The following OR2G6 variants were observed in gnomAD, a reference collection of about 807,000 sequenced individuals.
The protein encoded by OR2G6 is olfactory receptor 2G6.
For synonymous variants in OR2G6, 183 were observed against 155.2 expected (o/e 1.18, Z -1.33); for missense variants, 457 against 391.3 (o/e 1.17, Z -1.42).
In OR2G6 at chr1:248,523,550, GTC is replaced by G. The variant is rs1325028062; in HGVS notation, c.*956_*957del. 1 of 152,072 alleles carries G rather than the reference GTC, an allele frequency of 6.6e-6. No homozygotes were observed. The highest frequency in any genetic ancestry group is 2.4e-5 in the African/African-American group (1 of 41,408). The allele number at this position is 152,072 out of a possible 1,614,324, so 9.4% of individuals were successfully genotyped here. A position where few individuals can be genotyped will look rare whatever the true frequency, so the allele number is the denominator to read the frequency against. ...ATTTGAAATATGAATCCCACACACT[GTC>G]TCACGTTAACGATCATAGTTATATG... On this transcript the variant is annotated 3_prime_UTR_variant, in exon 2 of 2. Coordinates refer to ENST00000641804, the MANE Select transcript of OR2G6 (RefSeq NM_001013355.2).
rs995321987 is a variant in OR2G6, at chr1:248,526,834, G to T, written c.*4237G>T. 4 of 143,590 alleles carry T rather than the reference G, an allele frequency of 2.8e-5. No individual in the cohort carries two copies. The highest frequency in any genetic ancestry group is 1.1e-4 in the African/African-American group (4 of 35,368). The allele number at this position is 143,590 out of a possible 1,614,324, so 8.9% of individuals were successfully genotyped here. A position where few individuals can be genotyped will look rare whatever the true frequency, so the allele number is the denominator to read the frequency against. The stretch of plus-strand genomic sequence containing the variant: ...TGTTCATATCTTTCGCCCACTTTTT[G>T]ATGGGTTTTTTTTTTCTTGTAAATT... On this transcript the variant is annotated 3_prime_UTR_variant, in exon 2 of 2. Transcript: ENST00000641804.
chr1:248,521,933 G>A lies in OR2G6; in HGVS notation c.287G>A (p.Gly96Asp), dbSNP rs1347579852. Residue 96 changes from glycine (G) to aspartate (D), a missense_variant, in exon 2 of 2, where the codon GGC becomes GAC. By Grantham distance (94) the Gly-to-Asp change is moderately conservative (BLOSUM62 -1). Transcript: ENST00000641804. ...AAAGACAAAACCATGAGCTACGGTG[G>A]CTGTGTGGCCCAGCTCTATGTGGCC... ...NKKDKTMSYG[G>D]CVAQLYVAMG... 3 of 1,614,038 alleles carry A rather than the reference G, an allele frequency of 1.9e-6. No individual in the cohort carries two copies. Among genetic ancestry groups the A allele is most frequent in the Non-Finnish European group, 2.5e-6 (3 of 1,180,026 alleles).
intron 1 of OR2G6, among the ~76,000 whole-genome samples, chr1:248,519,527 C>G (rs1664236300): frequency 6.6e-6 from 1 of 151,862 alleles, no homozygotes; most frequent in Non-Finnish European, 1.5e-5. Context: ...AGGAAGAAGT[C>G]CAGTTTCAGT....
rs1664305476 is a variant in OR2G6, at chr1:248,522,214, G to A, written c.568G>A (p.Val190Met). 1 of 1,614,072 alleles carries A rather than the reference G, an allele frequency of 6.2e-7. No individual in the cohort carries two copies. Among genetic ancestry groups the A allele is most frequent in the Admixed American group, 1.7e-5 (1 of 60,002 alleles). ...EVPVLIKLAC[V>M]DTTFNEAELF... ...GCCAGTGCTCATCAAACTGGCCTGT[G>A]TGGATACGACTTTCAACGAGGCAGA... Residue 190 changes from valine to methionine, a missense_variant, in exon 2 of 2, where the codon GTG becomes ATG. Val to Met is a conservative substitution (Grantham distance 21). Coordinates refer to ENST00000641804, the MANE Select transcript of OR2G6 (RefSeq NM_001013355.2).
rs1291073801 is a variant in OR2G6, at chr1:248,525,494, T to C, written c.*2897T>C. ...AATGATTTTACATAACAAATATTAA[T>C]GAATTCATGAAAAACAAAAACCATA... On this transcript the variant is annotated 3_prime_UTR_variant, in exon 2 of 2. Transcript: ENST00000641804. 6.6e-6 allele frequency: 1 copy of C among 151,866 alleles called. No homozygotes were observed. The highest frequency in any genetic ancestry group is 1.9e-4 in the East Asian group (1 of 5,192). 9.4% of individuals were successfully genotyped at this position (151,866 alleles called of 1,614,324 possible). A position where few individuals can be genotyped will look rare whatever the true frequency, so the allele number is the denominator to read the frequency against.
rs1224507525 is a variant in OR2G6 at position 248,521,769 on chromosome 1, GAACACTGCCCTCATACTA to G, written c.124_141del (p.Asn42_Leu47del). The G allele has an allele frequency of 1.2e-6, 2 of 1,614,042 alleles. No individual in the cohort carries two copies. The highest frequency in any genetic ancestry group is 4.5e-5 in the East Asian group (2 of 44,882). ...ACTTCTACGTCTTGAGCCTTCTGGG[GAACACTGCCCTCATACTA>G]GTATGTTGTCTGGACTCCAGACTCC... On this transcript the variant is annotated inframe_deletion, in exon 2 of 2. Coordinates refer to ENST00000641804, the MANE Select transcript of OR2G6 (RefSeq NM_001013355.2).
chr1:248,523,277 A>G lies in OR2G6; in HGVS notation c.*680A>G, dbSNP rs1664328995. Reference sequence around the variant, plus strand: ...CCCACTCTATTGGCTTATTTACAACACGAGAAACACAAATATTAAGAGTTG... The same window carrying G: ...CCCACTCTATTGGCTTATTTACAACGCGAGAAACACAAATATTAAGAGTTG... On this transcript the variant is annotated 3_prime_UTR_variant, in exon 2 of 2. Transcript: ENST00000641804. The G allele has an allele frequency of 6.6e-6, 1 of 152,200 alleles. No individual in the cohort carries two copies. The highest frequency in any genetic ancestry group is 1.5e-5 in the Non-Finnish European group (1 of 68,040). The allele number at this position is 152,200 out of a possible 1,614,324, so 9.4% of individuals were successfully genotyped here.
chr1:248,521,884 C>T lies in OR2G6; in HGVS notation c.238C>T (p.Gln80Ter). The part of the protein sequence containing the change: ...DICFTTSVAP[Q>*]LLVTMNKKDK... ...CTGCTTTACCACCAGTGTTGCCCCA[C>T]AGTTGCTGGTTACCATGAATAAGAA... is the stretch of plus-strand genomic sequence containing the variant. The change falls in exon 2 of 2, where the codon CAG (glutamine) becomes TAG (stop). Residue 80 changes from glutamine to a stop codon, truncating the protein, a stop_gained. Coordinates refer to ENST00000641804, the MANE Select transcript of OR2G6 (RefSeq NM_001013355.2). LOFTEE classifies it low-confidence loss of function (END_TRUNC). 1.2e-6 allele frequency: 2 copies of T among 1,614,164 alleles called. No individual in the cohort carries two copies. The highest frequency in any genetic ancestry group is 1.7e-6 in the Non-Finnish European group (2 of 1,180,012).
chr1:248,519,971 G>A (rs1418073913), intron 1 of OR2G6, among the ~76,000 whole-genome samples: 1 of 3,982 alleles, frequency 2.5e-4, no homozygotes, highest in Non-Finnish European at 7.0e-3. Flanking sequence ...AAAGTCACAT[G>A]GACACATGTT....
chr1:248,522,215 T>C lies in OR2G6; in HGVS notation c.569T>C (p.Val190Ala). Reference protein sequence around the residue: ...EVPVLIKLACVDTTFNEAELF... With the variant: ...EVPVLIKLACADTTFNEAELF... ...CCAGTGCTCATCAAACTGGCCTGTG[T>C]GGATACGACTTTCAACGAGGCAGAA... Residue 190 changes from valine (V) to alanine (A), a missense_variant, in exon 2 of 2, where the codon GTG becomes GCG. Transcript: ENST00000641804. The C allele has an allele frequency of 6.2e-7, 1 of 1,614,196 alleles. No homozygotes were observed. Among genetic ancestry groups the C allele is most frequent in the Admixed American group, 1.7e-5 (1 of 60,022 alleles).
At chr1:248,520,460 G>T (rs1315347096) in intron 1 of OR2G6, among the ~76,000 whole-genome samples, 3 of 152,098 alleles carry the variant, frequency 2.0e-5, no homozygotes, top group African/African-American at 7.2e-5. Context: ...ATTCTACTTA[G>T]ACAACTCTTA....
At position 248,524,934 on chromosome 1, in the gene OR2G6, G is replaced by T. The variant is rs1664363687; in HGVS notation, c.*2337G>T. 1 of 152,098 alleles carries T rather than the reference G, an allele frequency of 6.6e-6. No individual in the cohort carries two copies. The allele number at this position is 152,098 out of a possible 1,614,324, so 9.4% of individuals were successfully genotyped here. Reference sequence around the variant, plus strand: ...AACCTAAAAAAACTACTTAACTGCAGATGAAAATGGGAACACATTTGAAAA... The same window carrying T: ...AACCTAAAAAAACTACTTAACTGCATATGAAAATGGGAACACATTTGAAAA... On this transcript the variant is annotated 3_prime_UTR_variant, in exon 2 of 2. Transcript: ENST00000641804.
At position 248,526,584 on chromosome 1, in the gene OR2G6, C is replaced by G. The variant is rs1332630419; in HGVS notation, c.*3987C>G. ...TCACTGTGCAAAGTAGAGAGAAATTCCCTTTTGCTTTGGCAGAGAGAGGAG... is the reference window on the plus strand; with the variant it reads ...TCACTGTGCAAAGTAGAGAGAAATTGCCTTTTGCTTTGGCAGAGAGAGGAG... On this transcript the variant is annotated 3_prime_UTR_variant, in exon 2 of 2. Coordinates refer to ENST00000641804, the MANE Select transcript of OR2G6 (RefSeq NM_001013355.2). 6.6e-6 allele frequency: 1 copy of G among 152,042 alleles called. No individual in the cohort carries two copies. Among genetic ancestry groups the G allele is most frequent in the Non-Finnish European group, 1.5e-5 (1 of 68,024 alleles). 9.4% of individuals were successfully genotyped at this position (152,042 alleles called of 1,614,324 possible). A position where few individuals can be genotyped will look rare whatever the true frequency, so the allele number is the denominator to read the frequency against.
chr1:248,522,564 G>T lies in OR2G6; in HGVS notation c.918G>T (p.Leu306=). ...AAGGGGCCTTGAGGACCCTGATACT[G>T]GGTAGTGCTGCTGGACAAAGCCACA... is the stretch of plus-strand genomic sequence containing the variant. ...DVKGALRTLI[L]GSAAGQSHKD is the part of the protein sequence containing the mutation. Residue 306 remains leucine (L), a synonymous_variant, in exon 2 of 2, where the codon CTG becomes CTT. Coordinates refer to ENST00000641804, the MANE Select transcript of OR2G6 (RefSeq NM_001013355.2). 6.2e-7 allele frequency: 1 copy of T among 1,612,634 alleles called. No homozygotes were observed. The highest frequency in any genetic ancestry group is 8.5e-7 in the Non-Finnish European group (1 of 1,179,566).
rs899776448 is a variant in OR2G6 at position 248,527,018 on chromosome 1, G to A, written c.*4421G>A. The stretch of plus-strand genomic sequence containing the variant: ...TAATTAGATCCCATTTGTCAATTTT[G>A]GCTTTTGTTGCCATTGCTTTTGGTG... On this transcript the variant is annotated 3_prime_UTR_variant, in exon 2 of 2. Transcript: ENST00000641804. 3 of 152,004 alleles carry A rather than the reference G, an allele frequency of 2.0e-5. No homozygotes were observed. The highest frequency in any genetic ancestry group is 4.4e-5 in the Non-Finnish European group (3 of 68,000). The allele number at this position is 152,004 out of a possible 1,614,324, so 9.4% of individuals were successfully genotyped here.
chr1:248,522,312 T>C lies in OR2G6; in HGVS notation c.666T>C (p.Thr222=). 1 of 1,614,210 alleles carries C rather than the reference T, an allele frequency of 6.2e-7. No homozygotes were observed. Among genetic ancestry groups the C allele is most frequent in the Non-Finnish European group, 8.5e-7 (1 of 1,180,032 alleles). ...LLILVSYGFI[T]QAVLRIKSAA... is the part of the protein sequence containing the mutation. ...TCTTAGTCTCCTATGGCTTTATCAC[T>C]CAAGCTGTGTTAAGGATAAAATCAG... The change falls in exon 2 of 2, where the codon ACT becomes ACC. Residue 222 remains threonine (T), a synonymous_variant. Coordinates refer to ENST00000641804, the MANE Select transcript of OR2G6 (RefSeq NM_001013355.2).
At position 248,526,874 on chromosome 1, in the gene OR2G6, G is replaced by T. The variant is rs914096834; in HGVS notation, c.*4277G>T. ...TCTTGTAAATTTGTTTGAGTTCTTTGTAGATTCTGGATATTATCCCTTTGT... is the reference window on the plus strand; with the variant it reads ...TCTTGTAAATTTGTTTGAGTTCTTTTTAGATTCTGGATATTATCCCTTTGT... On this transcript the variant is annotated 3_prime_UTR_variant, in exon 2 of 2. Coordinates refer to ENST00000641804, the MANE Select transcript of OR2G6 (RefSeq NM_001013355.2). 6.6e-6 allele frequency: 1 copy of T among 151,616 alleles called. No homozygotes were observed. Among genetic ancestry groups the T allele is most frequent in the Non-Finnish European group, 1.5e-5 (1 of 67,940 alleles). The allele number at this position is 151,616 out of a possible 1,614,324, so 9.4% of individuals were successfully genotyped here. A position where few individuals can be genotyped will look rare whatever the true frequency, so the allele number is the denominator to read the frequency against.
intron 1 of OR2G6, among the ~76,000 whole-genome samples, chr1:248,520,072 C>T (rs570187893): frequency 1.1e-4 from 17 of 152,284 alleles, no homozygotes; most frequent in East Asian, 9.6e-4. Flanking sequence ...GGCACATATA[C>T]ACCATGGAAT....
At chr1:248,520,353 C>T (rs1664257327) in intron 1 of OR2G6, among the ~76,000 whole-genome samples, 1 of 152,022 alleles carries the variant, frequency 6.6e-6, no homozygotes, top group Non-Finnish European at 1.5e-5. Flanking sequence ...CTGCAGGAAA[C>T]CACCATGGCA....
Sources: gnomAD v4.1 joint callset for allele counts (sites outside exome capture counted in the v4.1 genomes callset) on GRCh38, gnomAD v4.1.1 for gene constraint, MANE v1.5 for transcripts, NCBI Gene and HGNC (gene_info 2026-07-23, HGNC 2026-07-21) for gene names.